Variants in CNTN5 observed in about 807,000 individuals in gnomAD.
The protein encoded by CNTN5 is contactin-5.
Under a neutral mutation model 129.1 loss-of-function variants are expected in CNTN5, and 77 were observed. That is an observed-to-expected ratio of 0.60 (90% CI 0.50 to 0.72). The LOEUF is 0.72. CNTN5 is among the 30% of genes least tolerant of loss of function. The probability of loss-of-function intolerance (pLI) is 0.00; values close to 1 mark genes in which losing one functional copy is unlikely to be tolerated. For synonymous variants in CNTN5, 509 were observed against 465.6 expected (o/e 1.09, Z -1.20); for missense variants, 1,478 against 1,328.8 (o/e 1.11, Z -1.75).
intron 3 of CNTN5, among the ~76,000 whole-genome samples, chr11:99,594,436 C>T (rs148079837): frequency 6.6e-6 from 1 of 152,126 alleles, no homozygotes; most frequent in African/African-American, 2.4e-5. Context: ...TGTTTCTTTG[C>T]GTTTAGACCA....
intron 2 of CNTN5, among the ~76,000 whole-genome samples, chr11:99,490,359 T>C (rs1945988931): frequency 6.6e-6 from 1 of 152,186 alleles, no homozygotes; most frequent in African/African-American, 2.4e-5. Context: ...AAATTCATTA[T>C]TGAGGGAGAA....
chr11:99,423,083 A>C (rs751291950), intron 2 of CNTN5, among the ~76,000 whole-genome samples: 1 of 152,146 alleles, frequency 6.6e-6, no homozygotes, highest in Non-Finnish European at 1.5e-5. Flanking sequence ...GAGAAATCCC[A>C]CCTTTACGTA....
intron 6 of CNTN5, among the ~76,000 whole-genome samples, chr11:99,868,012 C>G (rs918460868): frequency 1.3e-5 from 2 of 151,940 alleles, no homozygotes; most frequent in Non-Finnish European, 1.5e-5. Flanking sequence ...GTCAGGAGTT[C>G]GAGACCAGCC....
intron 1 of CNTN5, among the ~76,000 whole-genome samples, chr11:99,229,538 A>AC (rs1241257699): frequency 2.9e-5 from 4 of 137,754 alleles, no homozygotes; most frequent in Admixed American, 1.6e-4. Context: ...CAAAAAAAAA[A>AC]AAAAGGACAC....
At chr11:99,833,026 G>T (rs150570400) in intron 4 of CNTN5, among the ~76,000 whole-genome samples, 11 of 152,320 alleles carry the variant, frequency 7.2e-5, no homozygotes, top group South Asian at 2.1e-4. Flanking sequence ...CTGAAAGGCA[G>T]ATTTAGAATT....
Position 100,267,927 on chromosome 11 carries a change from G to T in CNTN5, c.2165-3165G>T, listed in dbSNP as rs950337182. ...TTCAATGTGACAGAAGCTTGGTGAC[G>T]CAGGTCACTGATGCTTTTATGACAG... On this transcript the variant is annotated intron_variant, in intron 17 of 24. Transcript: ENST00000524871. 2.0e-5 allele frequency among the ~76,000 whole-genome samples: 3 copies of T among 152,264 alleles called. No individual in the cohort carries two copies. The South Asian group carries it at 6.2e-4, about 32-fold the overall frequency.
Position 99,112,269 on chromosome 11 carries a change from G to A in CNTN5, c.-210+90999G>A, listed in dbSNP as rs146007434. ...TAATAAACGTCTATTATACACACAG[G>A]GTCTCCAATAGAAACTTCATAAATT... On this transcript the variant is annotated intron_variant, in intron 1 of 24. Coordinates refer to ENST00000524871, the MANE Select transcript of CNTN5 (RefSeq NM_014361.4). 3.6e-3 allele frequency among the ~76,000 whole-genome samples: 551 copies of A among 151,664 alleles called. 4 individuals carry two copies. The highest frequency in any genetic ancestry group is 0.013 in the African/African-American group (526 of 41,420).
chr11:99,356,129 G>A (rs969039876), intron 2 of CNTN5, among the ~76,000 whole-genome samples: 3 of 151,820 alleles, frequency 2.0e-5, no homozygotes, highest in Admixed American at 2.0e-4. Context: ...CCCGGCCTCT[G>A]TCATGTTTTA....
At chr11:99,563,781 ATGTAGT>A (rs1286802797) in intron 3 of CNTN5, among the ~76,000 whole-genome samples, 3 of 152,168 alleles carry the variant, frequency 2.0e-5, no homozygotes, top group Non-Finnish European at 4.4e-5. Context: ...AGGCTCTTTC[ATGTAGT>A]TGTAGGCTTT....
chr11:99,298,539 A>G (rs1864486013), intron 1 of CNTN5, among the ~76,000 whole-genome samples: 2 of 152,184 alleles, frequency 1.3e-5, no homozygotes, highest in African/African-American at 4.8e-5. Flanking sequence ...TTTAACCACA[A>G]GGACTCAAAT....
intron 8 of CNTN5, among the ~76,000 whole-genome samples, chr11:99,970,627 G>A (rs965251699): frequency 1.3e-5 from 2 of 152,150 alleles, no homozygotes; most frequent in African/African-American, 2.4e-5. Context: ...TATTAACACA[G>A]TACTTATCCT....
chr11:99,878,877 T>C (rs1456413005), intron 6 of CNTN5, among the ~76,000 whole-genome samples: 1 of 152,126 alleles, frequency 6.6e-6, no homozygotes, highest in African/African-American at 2.4e-5. Context: ...AATAATTTTT[T>C]TTAAAAAAAG....
chr11:99,610,744 C>T lies in CNTN5; in HGVS notation c.55+54475C>T, dbSNP rs147103953. 2.9e-3 allele frequency among the ~76,000 whole-genome samples: 446 copies of T among 152,090 alleles called. 2 individuals are homozygous for T. Among genetic ancestry groups the T allele is most frequent in the African/African-American group, 9.2e-3 (383 of 41,492 alleles). ...TAGATAGATAGCTATAATGAAAGGT[C>T]GCAAGCTTAGTTTAGGTTGTTTTCA... On this transcript the variant is annotated intron_variant, in intron 3 of 24. Coordinates refer to ENST00000524871, the MANE Select transcript of CNTN5 (RefSeq NM_014361.4).
intron 1 of CNTN5, among the ~76,000 whole-genome samples, chr11:99,262,192 A>G (rs1862663665): frequency 6.6e-6 from 1 of 151,914 alleles, no homozygotes; most frequent in Admixed American, 6.6e-5. Flanking sequence ...ACAGTTTTTA[A>G]CTCTGTGGCC....
chr11:100,319,964 T>C (rs904407274), intron 21 of CNTN5, among the ~76,000 whole-genome samples: 3 of 152,258 alleles, frequency 2.0e-5, no homozygotes, highest in Admixed American at 2.0e-4. Flanking sequence ...CATCTGTTGA[T>C]GGACAAGATA....
In CNTN5 at chr11:99,788,975, T is replaced by C. The variant is rs545886166; in HGVS notation, c.56-30569T>C. 8.6e-5 allele frequency among the ~76,000 whole-genome samples: 13 copies of C among 152,026 alleles called. No homozygotes were observed. The East Asian group carries it at 2.5e-3, about 29-fold the overall frequency. ...CCTCTCAAAATCTAGTAGCTTAATA[T>C]TTTATTTCTAAACCTTTTATTAAAA... is the stretch of plus-strand genomic sequence containing the variant. On this transcript the variant is annotated intron_variant, in intron 3 of 24. Coordinates refer to ENST00000524871, the MANE Select transcript of CNTN5 (RefSeq NM_014361.4).
intron 1 of CNTN5, among the ~76,000 whole-genome samples, chr11:99,209,530 A>G (rs1859659613): frequency 6.6e-6 from 1 of 152,160 alleles, no homozygotes; most frequent in Non-Finnish European, 1.5e-5. Context: ...ACACTAAGTC[A>G]TTCATGAGGG....
At chr11:99,840,763 C>G (rs1434279275) in intron 4 of CNTN5, among the ~76,000 whole-genome samples, 1 of 152,128 alleles carries the variant, frequency 6.6e-6, no homozygotes, top group East Asian at 1.9e-4. Flanking sequence ...CTATCAAGAT[C>G]TTTGTGATAA....
chr11:100,134,223 A>C (rs1369647042), intron 13 of CNTN5, among the ~76,000 whole-genome samples: 1 of 152,142 alleles, frequency 6.6e-6, no homozygotes, highest in Non-Finnish European at 1.5e-5. Context: ...TTTTCCTTTA[A>C]ACTCAGTTTT....
Sources: allele counts gnomAD v4.1 joint callset (sites outside exome capture counted in the v4.1 genomes callset), GRCh38; gene constraint gnomAD v4.1.1; transcripts MANE v1.5; gene names NCBI Gene and HGNC (gene_info 2026-07-23, HGNC 2026-07-21).